The following PBX1 variants were observed in gnomAD, a reference collection of about 807,000 sequenced individuals.
PBX1 encodes the protein pre-B-cell leukemia transcription factor 1.
In PBX1, 6 loss-of-function variants were observed where a neutral mutation model predicts 53.4. The observed-to-expected ratio is 0.11, with a 90% confidence interval of 0.06 to 0.22. The LOEUF (loss-of-function observed/expected upper bound fraction) is 0.22. Ranked by LOEUF, PBX1 falls within the 10% of genes least tolerant of loss-of-function variation. The probability of loss-of-function intolerance (pLI) is 1.00; values close to 1 mark genes in which losing one functional copy is unlikely to be tolerated. For synonymous variants in PBX1, 204 were observed against 212.3 expected (o/e 0.96, Z 0.34); for missense variants, 251 against 551.4 (o/e 0.46, Z 5.46).
At position 164,585,115 on chromosome 1, in the gene PBX1, G is replaced by A. The variant is rs777676401; in HGVS notation, c.265+21804G>A. On this transcript the variant is annotated intron_variant, in intron 2 of 8. Transcript: ENST00000420696. Reference sequence around the variant, plus strand: ...AAAGAGGTTGTAGAACTGGAGGCAAGGGAAAGAATGGAATGGACATCTTTC... The same window carrying A: ...AAAGAGGTTGTAGAACTGGAGGCAAAGGAAAGAATGGAATGGACATCTTTC... Among the ~76,000 whole-genome samples, 18 of 152,268 alleles carry A rather than the reference G, an allele frequency of 1.2e-4. No individual in the cohort carries two copies. In the South Asian group the frequency reaches 2.3e-3, roughly 19 times the overall value.
chr1:164,661,874 G>T (rs1011958978), intron 2 of PBX1, among the ~76,000 whole-genome samples: 1 of 152,044 alleles, frequency 6.6e-6, no homozygotes, highest in Non-Finnish European at 1.5e-5. Context: ...TTTCAAGCAG[G>T]GATAGGTTGT....
intron 2 of PBX1, among the ~76,000 whole-genome samples, chr1:164,789,491 C>G (rs1211230323): frequency 2.0e-5 from 3 of 152,174 alleles, no homozygotes; most frequent in Non-Finnish European, 2.9e-5. Flanking sequence ...TCATACCTCA[C>G]TGAGTTTGGC....
chr1:164,610,634 G>A (rs979855259), intron 2 of PBX1, among the ~76,000 whole-genome samples: 1 of 152,062 alleles, frequency 6.6e-6, no homozygotes, highest in South Asian at 2.1e-4. Context: ...ACAAGCGATC[G>A]GTTCTGTACT....
chr1:164,837,772 G>A (rs1160158745), intron 8 of PBX1, among the ~76,000 whole-genome samples: 1 of 152,146 alleles, frequency 6.6e-6, no homozygotes, highest in Non-Finnish European at 1.5e-5. Flanking sequence ...TTAGCCTAAG[G>A]ACCTTAAGTC....
At chr1:164,632,896 A>G in intron 2 of PBX1, among the ~76,000 whole-genome samples, 1 of 152,176 alleles carries the variant, frequency 6.6e-6, no homozygotes, top group African/African-American at 2.4e-5. Flanking sequence ...AATGGATTTT[A>G]TGGTGCCTAG....
intron 2 of PBX1, among the ~76,000 whole-genome samples, chr1:164,663,174 C>G (rs1424719043): frequency 6.6e-6 from 1 of 151,996 alleles, no homozygotes; most frequent in Admixed American, 6.6e-5. Flanking sequence ...GCCTTCCTTC[C>G]TGCCTTCCTT....
intron 2 of PBX1, among the ~76,000 whole-genome samples, chr1:164,712,989 C>G (rs1663886422): frequency 6.6e-6 from 1 of 152,188 alleles, no homozygotes; most frequent in Non-Finnish European, 1.5e-5. Flanking sequence ...CTTACACATG[C>G]CTAGAGGCCA....
chr1:164,685,675 T>G (rs1261665854), intron 2 of PBX1, among the ~76,000 whole-genome samples: 2 of 152,246 alleles, frequency 1.3e-5, no homozygotes, highest in African/African-American at 4.8e-5. Flanking sequence ...TTACAATTAT[T>G]ACAGCAGTTC....
rs192443904 is a variant in PBX1 at position 164,679,633 on chromosome 1, T to G, written c.266-112861T>G. ...CATTGGATCTGAAACCCAACACCTG[T>G]ATTGAATCTTAAGAAAAAGAAGACA... On this transcript the variant is annotated intron_variant, in intron 2 of 8. Coordinates refer to ENST00000420696, the MANE Select transcript of PBX1 (RefSeq NM_002585.4). Among the ~76,000 whole-genome samples, 515 of 152,270 alleles carry G rather than the reference T, an allele frequency of 3.4e-3. 5 individuals are homozygous for G. In the Middle Eastern group the frequency reaches 0.082, roughly 24 times the overall value.
At chr1:164,608,561 G>A (rs1201310389) in intron 2 of PBX1, among the ~76,000 whole-genome samples, 1 of 152,190 alleles carries the variant, frequency 6.6e-6, no homozygotes, top group Non-Finnish European at 1.5e-5. Flanking sequence ...AGAGAGATAG[G>A]CCATATGTTG....
intron 8 of PBX1, among the ~76,000 whole-genome samples, chr1:164,823,406 C>T (rs138355059): frequency 7.0e-6 from 1 of 142,224 alleles, no homozygotes; most frequent in East Asian, 2.1e-4. Flanking sequence ...TAAGTTTTTC[C>T]AGAGAAAGCT....
At chr1:164,742,305 G>T (rs1415691957) in intron 2 of PBX1, among the ~76,000 whole-genome samples, 2 of 152,134 alleles carry the variant, frequency 1.3e-5, no homozygotes, top group Non-Finnish European at 2.9e-5. Flanking sequence ...ACTTTGTGAG[G>T]CCGAGGCCAT....
At chr1:164,843,072 T>C (rs1413064636) in intron 8 of PBX1, among the ~76,000 whole-genome samples, 1 of 152,040 alleles carries the variant, frequency 6.6e-6, no homozygotes, top group African/African-American at 2.4e-5. Context: ...CGAGGTCAGC[T>C]GTTTCCCAAG....
intron 2 of PBX1, among the ~76,000 whole-genome samples, chr1:164,737,214 G>T (rs1315402079): frequency 1.3e-5 from 2 of 152,136 alleles, no homozygotes. Flanking sequence ...TTAGTTCTTC[G>T]AATGGTCATT....
intron 2 of PBX1, among the ~76,000 whole-genome samples, chr1:164,738,022 T>C (rs1665394157): frequency 6.6e-6 from 1 of 152,164 alleles, no homozygotes; most frequent in African/African-American, 2.4e-5. Flanking sequence ...TATATATATA[T>C]GGCTTTTCAT....
intron 2 of PBX1, among the ~76,000 whole-genome samples, chr1:164,616,522 C>T (rs1291415362): frequency 6.6e-6 from 1 of 152,148 alleles, no homozygotes; most frequent in Non-Finnish European, 1.5e-5. Flanking sequence ...TTTCGGTTAG[C>T]TGAATCATAT....
chr1:164,684,928 T>C (rs1174271983), intron 2 of PBX1: 1 of 152,232 alleles, frequency 6.6e-6, no homozygotes, highest in African/African-American at 2.4e-5. Context: ...CTACTTAGTC[T>C]TGTGTGTGGA....
intron 2 of PBX1, among the ~76,000 whole-genome samples, chr1:164,653,681 C>T (rs1405942092): frequency 6.6e-6 from 1 of 152,122 alleles, no homozygotes; most frequent in Non-Finnish European, 1.5e-5. Context: ...AAGGCAGGAG[C>T]ATCGCTTGAA....
intron 3 of PBX1, 26 bp downstream of exon 3, chr1:164,792,764 C>T: frequency 6.6e-7 from 1 of 1,526,528 alleles, no homozygotes; most frequent in Non-Finnish European, 8.9e-7. Flanking sequence ...TGGGGCTCGG[C>T]ACCCAGGCCC....
Sources: gnomAD v4.1 joint callset for allele counts (sites outside exome capture counted in the v4.1 genomes callset) on GRCh38, gnomAD v4.1.1 for gene constraint, MANE v1.5 for transcripts, NCBI Gene and HGNC (gene_info 2026-07-23, HGNC 2026-07-21) for gene names.